Variants in SORCS2 observed in about 807,000 individuals in gnomAD.
SORCS2 encodes sortilin related VPS10 domain containing receptor 2, also known as VPS10 domain-containing receptor SorCS2.
SORCS2 carries 100 observed loss-of-function variants against 141.6 expected under a neutral mutation model. The ratio of observed to expected loss-of-function variants is 0.71; its 90% CI spans 0.60 to 0.83. SORCS2 has a LOEUF of 0.83. Ranked by LOEUF, SORCS2 falls within the 40% of genes least tolerant of loss-of-function variation. The pLI, the probability that SORCS2 is intolerant of heterozygous loss-of-function variation, is 0.00. For synonymous variants in SORCS2, 789 were observed against 676.9 expected (o/e 1.17, Z -2.57); for missense variants, 1,646 against 1,560.2 (o/e 1.05, Z -0.93).
At chr4:7,574,023 G>A (rs760553390) in intron 3 of SORCS2, among the ~76,000 whole-genome samples, 4 of 152,242 alleles carry the variant, frequency 2.6e-5, no homozygotes, top group Admixed American at 1.3e-4. Flanking sequence ...CTTGTGCACC[G>A]TCTAGAACCG....
chr4:7,375,280 G>A (rs938143642), intron 1 of SORCS2, among the ~76,000 whole-genome samples: 2 of 152,216 alleles, frequency 1.3e-5, no homozygotes, highest in African/African-American at 4.8e-5. Context: ...TTGAATAAGG[G>A]TGTTGGACAT....
intron 1 of SORCS2, among the ~76,000 whole-genome samples, chr4:7,361,459 C>T (rs1031690902): frequency 3.9e-5 from 6 of 152,214 alleles, no homozygotes; most frequent in Non-Finnish European, 7.3e-5. Flanking sequence ...CTTGGCAGCC[C>T]TGGCCTCAGT....
At chr4:7,261,446 T>C (rs539012912) in intron 1 of SORCS2, among the ~76,000 whole-genome samples, 17 of 152,346 alleles carry the variant, frequency 1.1e-4, no homozygotes, top group African/African-American at 3.8e-4. Context: ...TGAGATTATA[T>C]TTACTGAATG....
At chr4:7,594,613 C>T (rs1717137887) in intron 3 of SORCS2, among the ~76,000 whole-genome samples, 1 of 152,118 alleles carries the variant, frequency 6.6e-6, no homozygotes, top group Admixed American at 6.5e-5. Flanking sequence ...CTTCCTCCTT[C>T]TCTCCCTCCC....
intron 14 of SORCS2, among the ~76,000 whole-genome samples, chr4:7,710,220 C>T (rs1725737196): frequency 6.6e-6 from 1 of 152,206 alleles, no homozygotes; most frequent in African/African-American, 2.4e-5. Flanking sequence ...TGCGCAAAGC[C>T]TCACAGCTCC....
In SORCS2 at chr4:7,729,599, C is replaced by A; in HGVS notation, c.2995C>A (p.Pro999Thr). The change falls in exon 23 of 27, where the codon CCT becomes ACT. Residue 999 changes from proline (P) to threonine (T), a missense_variant. By Grantham distance (38) the Pro-to-Thr change is conservative. Coordinates refer to ENST00000507866, the MANE Select transcript of SORCS2 (RefSeq NM_020777.3). ...ACTCTCCCCGCAGGAGACCAGCGTC[C>A]CTCAGGAGCTTCTGGTGACTGTGGT... ...TRLLSKETSV[P>T]QELLVTVVKP... The A allele has an allele frequency of 6.3e-7, 1 of 1,586,176 alleles. No individual in the cohort carries two copies. The highest frequency in any genetic ancestry group is 8.6e-7 in the Non-Finnish European group (1 of 1,166,486).
chr4:7,249,818 C>G (rs972822223), intron 1 of SORCS2, among the ~76,000 whole-genome samples: 1 of 152,294 alleles, frequency 6.6e-6, no homozygotes, highest in South Asian at 2.1e-4. Flanking sequence ...TGCCAGGACC[C>G]GCAGGTTTCC....
chr4:7,539,126 C>T (rs1490089055), intron 3 of SORCS2, among the ~76,000 whole-genome samples: 1 of 152,170 alleles, frequency 6.6e-6, no homozygotes, highest in East Asian at 1.9e-4. Context: ...CTAAGGGCCC[C>T]ATCAGTGCTG....
chr4:7,306,801 G>A (rs865974421), intron 1 of SORCS2, among the ~76,000 whole-genome samples: 15 of 152,322 alleles, frequency 9.8e-5, no homozygotes, highest in African/African-American at 2.9e-4. Context: ...CTGGAGGGGT[G>A]CAGGCACAAG....
intron 1 of SORCS2, among the ~76,000 whole-genome samples, chr4:7,347,201 A>G (rs932338263): frequency 6.6e-6 from 1 of 152,102 alleles, no homozygotes; most frequent in Non-Finnish European, 1.5e-5. Flanking sequence ...TGTGTTTGGG[A>G]CCACACGGGG....
At chr4:7,566,157 G>C (rs1714990328) in intron 3 of SORCS2, among the ~76,000 whole-genome samples, 1 of 141,674 alleles carries the variant, frequency 7.1e-6, no homozygotes, top group Non-Finnish European at 1.6e-5. Flanking sequence ...ATGATAATGT[G>C]ATATTGGTGA....
intron 1 of SORCS2, among the ~76,000 whole-genome samples, chr4:7,196,519 A>G (rs1275627128): frequency 1.3e-5 from 2 of 152,082 alleles, no homozygotes; most frequent in East Asian, 1.9e-4. Flanking sequence ...AGCTGAATGT[A>G]TCATTTGACT....
chr4:7,356,989 A>G (rs1385993699), intron 1 of SORCS2, among the ~76,000 whole-genome samples: 2 of 152,126 alleles, frequency 1.3e-5, no homozygotes, highest in Non-Finnish European at 2.9e-5. Flanking sequence ...ATCCTTCCCA[A>G]TGAGCAGAGC....
At chr4:7,316,747 C>T (rs1215903193) in intron 1 of SORCS2, among the ~76,000 whole-genome samples, 2 of 152,154 alleles carry the variant, frequency 1.3e-5, no homozygotes, top group Non-Finnish European at 2.9e-5. Flanking sequence ...AGTTCTTGTA[C>T]AGTTCGCAGC....
chr4:7,265,476 T>G (rs1456393332), intron 1 of SORCS2, among the ~76,000 whole-genome samples: 1 of 150,460 alleles, frequency 6.6e-6, no homozygotes, highest in Non-Finnish European at 1.5e-5. Flanking sequence ...GGTGACAGAG[T>G]GAGACTCCAT....
At chr4:7,260,965 TG>T (rs1714279992) in intron 1 of SORCS2, among the ~76,000 whole-genome samples, 2 of 152,210 alleles carry the variant, frequency 1.3e-5, no homozygotes. Flanking sequence ...TGAACTTAGT[TG>T]ATCACGGATC....
At chr4:7,202,511 A>C (rs1381068222) in intron 1 of SORCS2, among the ~76,000 whole-genome samples, 1 of 152,224 alleles carries the variant, frequency 6.6e-6, no homozygotes, top group Non-Finnish European at 1.5e-5. Flanking sequence ...AGATCTTAAA[A>C]TAACAGCACT....
intron 25 of SORCS2, 32 bp downstream of exon 25, chr4:7,734,406 C>G (rs1711987349): frequency 7.0e-7 from 1 of 1,429,502 alleles, no homozygotes; most frequent in Admixed American, 2.3e-5. Flanking sequence ...CTCTGCGGGG[C>G]TCTGACCATG....
chr4:7,641,693 TTGGGTGGGTGGGTGGA>T (rs527719506), intron 4 of SORCS2, among the ~76,000 whole-genome samples: 29 of 151,974 alleles, frequency 1.9e-4, no homozygotes, highest in Admixed American at 1.6e-3. Context: ...CAGATCGAGG[TTGGGTGGGTGGGTGGA>T]TGGGTGAGGA....
Sources: allele counts gnomAD v4.1 joint callset (sites outside exome capture counted in the v4.1 genomes callset), GRCh38; gene constraint gnomAD v4.1.1; transcripts MANE v1.5; gene names NCBI Gene and HGNC (gene_info 2026-07-23, HGNC 2026-07-21).